The following FANK1 variants were observed in gnomAD, a reference collection of about 807,000 sequenced individuals.
FANK1 encodes fibronectin type III and ankyrin repeat domains 1.
In FANK1, 44 loss-of-function variants were observed where a neutral mutation model predicts 45.3. The ratio of observed to expected loss-of-function variants is 0.97; its 90% CI spans 0.76 to 1.25. The LOEUF (loss-of-function observed/expected upper bound fraction) is 1.25. Ranked by LOEUF, FANK1 falls within the 50% of genes most tolerant of loss-of-function variation. FANK1 has a pLI of 0.00. For synonymous variants in FANK1, 149 were observed against 152.5 expected (o/e 0.98, Z 0.17); for missense variants, 391 against 424.4 (o/e 0.92, Z 0.69).
intron 1 of FANK1, among the ~76,000 whole-genome samples, chr10:125,922,114 A>G (rs534992469): frequency 2.7e-3 from 415 of 152,270 alleles, no homozygotes; most frequent in African/African-American, 9.6e-3. Context: ...TGATAAGATG[A>G]TGTCATATTT....
At chr10:125,934,419 G>A (rs1419983083) in intron 1 of FANK1, among the ~76,000 whole-genome samples, 1 of 152,178 alleles carries the variant, frequency 6.6e-6, no homozygotes, top group African/African-American at 2.4e-5. Flanking sequence ...GCTGAGGGCT[G>A]AGCTGAGCGT....
At chr10:125,937,178 T>C (rs886472418) in intron 1 of FANK1, among the ~76,000 whole-genome samples, 2 of 152,240 alleles carry the variant, frequency 1.3e-5, no homozygotes, top group East Asian at 3.8e-4. Flanking sequence ...AATGTTAGGT[T>C]ATATGGTATG....
intron 5 of FANK1, 119 bp downstream of exon 5, chr10:125,996,743 A>G (rs1015053537): frequency 5.9e-5 from 54 of 910,090 alleles, no homozygotes; most frequent in African/African-American, 1.8e-4. Flanking sequence ...TTTCTTTTCT[A>G]TCTCCCAAAC....
chr10:125,993,620 AC>A lies in FANK1; in HGVS notation c.317-1794del. Among the ~76,000 whole-genome samples the A allele has an allele frequency of 3.3e-5, 5 of 152,166 alleles. No individual in the cohort carries two copies. The South Asian group carries it at 1.0e-3, about 32-fold the overall frequency. On this transcript the variant is annotated intron_variant, in intron 3 of 10. Coordinates refer to ENST00000368693, the MANE Select transcript of FANK1 (RefSeq NM_145235.5). ...TGCCAAATGTCCTCTGGGGTATAAA[AC>A]CCTGCCTCCTTTCTAAGCCCTTCTA...
intron 1 of FANK1, among the ~76,000 whole-genome samples, chr10:125,946,235 G>A (rs1273676810): frequency 5.9e-5 from 9 of 151,998 alleles, no homozygotes; most frequent in African/African-American, 1.9e-4. Context: ...TTCCTCACCA[G>A]CAACGGAACA....
At chr10:125,939,531 TTTATC>T (rs981581940) in intron 1 of FANK1, among the ~76,000 whole-genome samples, 73 of 152,326 alleles carry the variant, frequency 4.8e-4, no homozygotes, top group African/African-American at 1.7e-3. Flanking sequence ...GCAATATTCT[TTTATC>T]TTTCTGTAGG....
At chr10:125,994,300 G>T in intron 3 of FANK1, 1 of 719,698 alleles carries the variant, frequency 1.4e-6, no homozygotes. Context: ...GTGTAAGTGA[G>T]CATGGGAACT....
At chr10:125,922,846 T>G (rs1288108288) in intron 1 of FANK1, among the ~76,000 whole-genome samples, 1 of 152,230 alleles carries the variant, frequency 6.6e-6, no homozygotes, top group Non-Finnish European at 1.5e-5. Flanking sequence ...TGATCCACGT[T>G]GAATAATGAT....
intron 1 of FANK1, among the ~76,000 whole-genome samples, chr10:125,961,193 A>G (rs1160477949): frequency 6.6e-6 from 1 of 152,138 alleles, no homozygotes; most frequent in Non-Finnish European, 1.5e-5. Context: ...TGTAACCTTT[A>G]CTTCCTGGGC....
At chr10:125,955,226 A>G (rs1949503844) in intron 1 of FANK1, among the ~76,000 whole-genome samples, 2 of 152,032 alleles carry the variant, frequency 1.3e-5, no homozygotes, top group African/African-American at 4.8e-5. Context: ...TAAGTCTAGC[A>G]TCCATTAGCT....
chr10:126,004,808 C>A, intron 6 of FANK1, 76 bp from the exon 7 acceptor site: 1 of 1,507,050 alleles, frequency 6.6e-7, no homozygotes, highest in Non-Finnish European at 9.1e-7. Context: ...TTGGTTTAAG[C>A]CAGGTAGGGT....
At chr10:125,906,515 C>CAAAAAAAAAAAAAAAAAAAAAAAAAA (rs34132526) in intron 1 of FANK1, among the ~76,000 whole-genome samples, 2 of 46,422 alleles carry the variant, frequency 4.3e-5, no homozygotes, top group Non-Finnish European at 8.6e-5. Flanking sequence ...GACTCTGTCT[C>CAAAAAAAAAAAAAAAAAAAAAAAAAA]AAAAAAAAAA....
chr10:125,935,025 C>G, intron 1 of FANK1, among the ~76,000 whole-genome samples: 1 of 152,000 alleles, frequency 6.6e-6, no homozygotes, highest in Non-Finnish European at 1.5e-5. Context: ...CTGTGCATGC[C>G]CCAATCTCTT....
chr10:125,954,797 G>A (rs1949474690), intron 1 of FANK1, among the ~76,000 whole-genome samples: 1 of 152,108 alleles, frequency 6.6e-6, no homozygotes, highest in Admixed American at 6.6e-5. Flanking sequence ...GTGCACGCCT[G>A]TAGTCTTCAG....
At chr10:125,917,754 A>G (rs1223292637) in intron 1 of FANK1, among the ~76,000 whole-genome samples, 2 of 152,302 alleles carry the variant, frequency 1.3e-5, no homozygotes, top group Admixed American at 1.3e-4. Context: ...TTCCACTTAT[A>G]TGAGATACCT....
chr10:125,944,776 C>T (rs4962498), intron 1 of FANK1, among the ~76,000 whole-genome samples: 19,498 of 152,294 alleles, frequency 0.13, 1,810 homozygotes, highest in Admixed American at 0.31. Context: ...CCCATCCCTT[C>T]CTTTCCCATA....
chr10:126,009,401 A>G lies in FANK1; in HGVS notation c.1001A>G (p.Lys334Arg), dbSNP rs772336506. Residue 334 changes from lysine to arginine, a missense_variant, in exon 11 of 11, where the codon AAA becomes AGA. Physicochemically the swap from Lys to Arg is conservative, Grantham distance 26. Transcript: ENST00000368693. The part of the protein sequence containing the change: ...QSVVSLLEER[K>R]KKQRPKKSCV... The stretch of plus-strand genomic sequence containing the variant: ...GTAGTCTCCTTATTAGAAGAAAGGA[A>G]AAAAAAGCAGAGGCCAAAGAAGTCT... 19 of 1,613,914 alleles carry G rather than the reference A, an allele frequency of 1.2e-5. No homozygotes were observed. The highest frequency in any genetic ancestry group is 1.5e-5 in the Non-Finnish European group (18 of 1,179,992).
intron 3 of FANK1, chr10:125,994,429 A>G: frequency 1.2e-5 from 12 of 985,332 alleles, no homozygotes; most frequent in Non-Finnish European, 1.4e-5. Flanking sequence ...ACCAGGGATT[A>G]TAAACTCAAA....
At chr10:126,005,912 C>T (rs191484557) in intron 7 of FANK1, among the ~76,000 whole-genome samples, 9 of 152,278 alleles carry the variant, frequency 5.9e-5, no homozygotes, top group Admixed American at 1.3e-4. Flanking sequence ...TTTGATTTCA[C>T]GTTATCAGAA....
Sources: allele counts gnomAD v4.1 joint callset (sites outside exome capture counted in the v4.1 genomes callset), GRCh38; gene constraint gnomAD v4.1.1; transcripts MANE v1.5; gene names NCBI Gene and HGNC (gene_info 2026-07-23, HGNC 2026-07-21).